P3H2: variants seen among roughly 807,000 people sequenced by gnomAD.
P3H2 encodes leprecan-like 1.
P3H2 carries 80 observed loss-of-function variants against 87.0 expected under a neutral mutation model. That is an observed-to-expected ratio of 0.92 (90% CI 0.77 to 1.11). The LOEUF (loss-of-function observed/expected upper bound fraction) is 1.11. Ranked by LOEUF, P3H2 falls within the 50% of genes least tolerant of loss-of-function variation. The pLI is 0.00. For missense variants in P3H2, 1,001 were observed against 923.9 expected, an observed-to-expected ratio of 1.08 and a Z score of -1.08; for synonymous variants, 367 against 359.3, an observed-to-expected ratio of 1.02 and a Z score of -0.24.
chr3:190,090,748 T>C (rs1727385486), intron 1 of P3H2, among the ~76,000 whole-genome samples: 1 of 152,030 alleles, frequency 6.6e-6, no homozygotes, highest in South Asian at 2.1e-4. Flanking sequence ...AAACAAACTG[T>C]AAACCTAGTA....
intron 7 of P3H2, chr3:189,983,535 G>A (rs1428093983): frequency 5.7e-6 from 1 of 175,436 alleles, no homozygotes; most frequent in African/African-American, 2.4e-5. Flanking sequence ...ATGTCATAAT[G>A]TAGTAGTTCT....
At chr3:190,031,493 C>T (rs1725251432) in intron 1 of P3H2, among the ~76,000 whole-genome samples, 1 of 151,928 alleles carries the variant, frequency 6.6e-6, no homozygotes, top group Non-Finnish European at 1.5e-5. Context: ...AAGAACTAGC[C>T]AGGCATGGTG....
Position 190,000,996 on chromosome 3 carries a change from C to T in P3H2, c.481-5554G>A, listed in dbSNP as rs1298288300. 4.6e-5 allele frequency among the ~76,000 whole-genome samples: 7 copies of T among 152,278 alleles called. No homozygotes were observed. In the East Asian group the frequency reaches 9.6e-4, roughly 21 times the overall value. Reference sequence around the variant, plus strand: ...TACTTTGCAAAATAATGCAGCACAGCGTAAGTCAGTTGCCTGTTTTACTTT... The same window carrying T: ...TACTTTGCAAAATAATGCAGCACAGTGTAAGTCAGTTGCCTGTTTTACTTT... On this transcript the variant is annotated intron_variant, in intron 1 of 14. Coordinates refer to ENST00000319332, the MANE Select transcript of P3H2 (RefSeq NM_018192.4).
chr3:190,073,080 G>C (rs1726758662), intron 1 of P3H2, among the ~76,000 whole-genome samples: 1 of 152,180 alleles, frequency 6.6e-6, no homozygotes, highest in African/African-American at 2.4e-5. Context: ...AATAGAAACA[G>C]TAGTTTGTGA....
intron 1 of P3H2, among the ~76,000 whole-genome samples, chr3:190,003,921 C>A (rs1724297964): frequency 6.6e-6 from 1 of 152,176 alleles, no homozygotes; most frequent in South Asian, 2.1e-4. Context: ...TGCTTTAATC[C>A]TTTTCAAAGT....
At chr3:189,988,342 C>T (rs540931178) in intron 4 of P3H2, among the ~76,000 whole-genome samples, 21 of 152,070 alleles carry the variant, frequency 1.4e-4, no homozygotes, top group African/African-American at 4.8e-4. Flanking sequence ...TAGTTCACAA[C>T]ATTGTATTTC....
At chr3:190,037,880 T>A (rs1018628354) in intron 1 of P3H2, among the ~76,000 whole-genome samples, 4 of 148,986 alleles carry the variant, frequency 2.7e-5, no homozygotes, top group Non-Finnish European at 3.0e-5. Flanking sequence ...TGGGCTCAAA[T>A]AACAATATCG....
intron 3 of P3H2, among the ~76,000 whole-genome samples, chr3:189,993,310 G>A (rs962149924): frequency 9.4e-5 from 11 of 117,074 alleles, no homozygotes; most frequent in Admixed American, 3.0e-4. Context: ...CAACAAGAGC[G>A]AAACTCTGTC....
Position 189,957,029 on chromosome 3 carries a change from G to T in P3H2, c.*883C>A. ...TTTAAAGTGTACAACTTATAGGACA[G>T]TCCTTTCTGGAGTACTGTGGAGGGT... On this transcript the variant is annotated 3_prime_UTR_variant, in exon 15 of 15. Coordinates refer to ENST00000319332, the MANE Select transcript of P3H2 (RefSeq NM_018192.4). The T allele has an allele frequency of 2.5e-6, 1 of 398,374 alleles. No homozygotes were observed. The highest frequency in any genetic ancestry group is 4.4e-6 in the Non-Finnish European group (1 of 225,930). The allele number at this position is 398,374 out of a possible 1,614,324, so 24.7% of individuals were successfully genotyped here.
chr3:190,062,764 G>T (rs1726373180), intron 1 of P3H2, among the ~76,000 whole-genome samples: 1 of 151,950 alleles, frequency 6.6e-6, no homozygotes, highest in Non-Finnish European at 1.5e-5. Context: ...ATAGTATCTT[G>T]CATCAGTGAG....
chr3:190,095,866 T>C (rs1317098969), intron 1 of P3H2, among the ~76,000 whole-genome samples: 2 of 152,018 alleles, frequency 1.3e-5, no homozygotes, highest in Non-Finnish European at 2.9e-5. Flanking sequence ...CCTCCCAAAG[T>C]GCTGGGATTA....
intron 1 of P3H2, among the ~76,000 whole-genome samples, chr3:190,114,079 CAAA>C (rs1220002187): frequency 0.13 from 9,783 of 77,364 alleles, 606 homozygotes; most frequent in Middle Eastern, 0.21. Context: ...GACTCCGTCT[CAAA>C]AAAAAAAAAA....
At position 190,015,527 on chromosome 3, in the gene P3H2, C is replaced by T. The variant is rs141401355; in HGVS notation, c.481-20085G>A. ...TACCAGCGTTCTATGGTAGAAATAG[C>T]ACTGACCCAGGAGTCTGGCATGAAC... On this transcript the variant is annotated intron_variant, in intron 1 of 14. Coordinates refer to ENST00000319332, the MANE Select transcript of P3H2 (RefSeq NM_018192.4). Among the ~76,000 whole-genome samples, 90 of 152,262 alleles carry T rather than the reference C, an allele frequency of 5.9e-4. No homozygotes were observed. The East Asian group carries it at 0.017, about 28-fold the overall frequency.
rs770429166 is a variant in P3H2, at chr3:189,962,322, G to A, written c.2034+1636C>T. On this transcript the variant is annotated intron_variant, in intron 14 of 14. Transcript: ENST00000319332. Reference sequence around the variant, plus strand: ...CCCGAGCAGCTGGGATTACAGGTGCGTGCCACCACGCCAGGCTAATTTTTG... The same window carrying A: ...CCCGAGCAGCTGGGATTACAGGTGCATGCCACCACGCCAGGCTAATTTTTG... Among the ~76,000 whole-genome samples, 17 of 151,792 alleles carry A rather than the reference G, an allele frequency of 1.1e-4. 1 individual carries two copies. Among genetic ancestry groups the A allele is most frequent in the Non-Finnish European group, 1.8e-4 (12 of 67,952 alleles).
intron 13 of P3H2, among the ~76,000 whole-genome samples, chr3:189,966,333 T>C (rs979576324): frequency 6.6e-6 from 1 of 152,202 alleles, no homozygotes; most frequent in African/African-American, 2.4e-5. Flanking sequence ...TAACATCTTA[T>C]AAGACTAAAG....
At chr3:189,983,000 C>T (rs778348142) in intron 8 of P3H2, 46 bp downstream of exon 8, 8 of 1,422,752 alleles carry the variant, frequency 5.6e-6, no homozygotes, top group Non-Finnish European at 8.0e-6. Context: ...CAAGCCCCAT[C>T]TTCCCCTTCC....
At chr3:190,047,863 T>G (rs1725855686) in intron 1 of P3H2, among the ~76,000 whole-genome samples, 1 of 152,204 alleles carries the variant, frequency 6.6e-6, no homozygotes, top group South Asian at 2.1e-4. Flanking sequence ...CAGTATGGAA[T>G]AGCACAGTAG....
At chr3:190,025,216 C>T (rs1017266589) in intron 1 of P3H2, among the ~76,000 whole-genome samples, 2 of 151,830 alleles carry the variant, frequency 1.3e-5, no homozygotes, top group African/African-American at 4.8e-5. Context: ...TAATGTTTCT[C>T]CAGGAATAAT....
At chr3:189,990,766 G>T (rs1231821450) in intron 3 of P3H2, among the ~76,000 whole-genome samples, 1 of 152,068 alleles carries the variant, frequency 6.6e-6, no homozygotes, top group Non-Finnish European at 1.5e-5. Flanking sequence ...ACTTTTATTA[G>T]GTATATCCCT....
Sources: gnomAD v4.1 joint callset for allele counts (sites outside exome capture counted in the v4.1 genomes callset) on GRCh38, gnomAD v4.1.1 for gene constraint, MANE v1.5 for transcripts, NCBI Gene and HGNC (gene_info 2026-07-23, HGNC 2026-07-21) for gene names.